POLR1B: variants seen among roughly 807,000 people sequenced by gnomAD.
POLR1B encodes the protein DNA-directed RNA polymerase I subunit RPA2.
Under a neutral mutation model 105.8 loss-of-function variants are expected in POLR1B, and 30 were observed. The observed-to-expected ratio is 0.28, with a 90% confidence interval of 0.21 to 0.38. The LOEUF is 0.38. Ranked by LOEUF, POLR1B falls within the 10% of genes least tolerant of loss-of-function variation. POLR1B has a pLI of 1.00. For synonymous variants in POLR1B, 485 were observed against 505.1 expected (o/e 0.96, Z 0.53); for missense variants, 976 against 1,435.8 (o/e 0.68, Z 5.17).
chr2:112,556,940 C>T (rs1390432321), intron 7 of POLR1B, among the ~76,000 whole-genome samples: 1 of 152,118 alleles, frequency 6.6e-6, no homozygotes, highest in African/African-American at 2.4e-5. Flanking sequence ...AAACATGTAT[C>T]ATTTTTTTGT....
Position 112,564,376 on chromosome 2 carries a change from C to A in POLR1B, c.1623C>A (p.Pro541=). The A allele has an allele frequency of 6.2e-7, 1 of 1,614,076 alleles. No individual in the cohort carries two copies. Among genetic ancestry groups the A allele is most frequent in the Non-Finnish European group, 8.5e-7 (1 of 1,179,940 alleles). Residue 541 remains proline, a synonymous_variant, in exon 10 of 15, where the codon CCC becomes CCA. Coordinates refer to ENST00000263331, the MANE Select transcript of POLR1B (RefSeq NM_019014.6). ...TGTTTCCTTTACCAGGGGTCACTCC[C>A]ATTGATGGAGCTCCCCACCGATCAT... is the stretch of plus-strand genomic sequence containing the variant. ...PALLCNLGVT[P]IDGAPHRSYS...
chr2:112,556,730 C>A (rs72946378), intron 7 of POLR1B, among the ~76,000 whole-genome samples: 7,510 of 152,246 alleles, frequency 0.049, 601 homozygotes, highest in African/African-American at 0.17. Context: ...AGGAGAGAAC[C>A]TATCTCAAAC....
At chr2:112,571,754 G>C (rs1684605603) in intron 12 of POLR1B, among the ~76,000 whole-genome samples, 1 of 152,120 alleles carries the variant, frequency 6.6e-6, no homozygotes, top group African/African-American at 2.4e-5. Context: ...TAAGATTGTG[G>C]GTTTCTATCT....
chr2:112,574,064 C>T (rs1465921536), intron 14 of POLR1B, among the ~76,000 whole-genome samples: 9 of 152,032 alleles, frequency 5.9e-5, no homozygotes, highest in African/African-American at 1.7e-4. Context: ...AGGTAGGTCT[C>T]GAACTCCTGG....
At chr2:112,547,304 A>T in intron 2 of POLR1B, 117 bp from the exon 3 acceptor site, 1 of 1,483,698 alleles carries the variant, frequency 6.7e-7, no homozygotes, top group Non-Finnish European at 9.2e-7. Flanking sequence ...CCCACCTTCT[A>T]AATCTAAGGC....
Position 112,573,810 on chromosome 2 carries a change from C to T in POLR1B, c.2520C>T (p.Tyr840=), listed in dbSNP as rs537691332. The T allele has an allele frequency of 6.2e-7, 1 of 1,610,702 alleles. No homozygotes were observed. The highest frequency in any genetic ancestry group is 1.3e-5 in the African/African-American group (1 of 74,932). The part of the protein sequence containing the change: ...NLNTGESFVM[Y]YKSKENCVVD... ...ACACCGGGGAAAGTTTTGTGATGTACTATAAGTAAGTTTGGGTATCCAAGC... is the reference window on the plus strand; with the variant it reads ...ACACCGGGGAAAGTTTTGTGATGTATTATAAGTAAGTTTGGGTATCCAAGC... The change falls in exon 14 of 15, where the codon TAC becomes TAT. Residue 840 remains tyrosine, a synonymous_variant. Transcript: ENST00000263331.
At chr2:112,543,143 G>A (rs1366608576) in intron 1 of POLR1B, among the ~76,000 whole-genome samples, 2 of 152,184 alleles carry the variant, frequency 1.3e-5, no homozygotes, top group African/African-American at 2.4e-5. Flanking sequence ...AGCAGGTGCC[G>A]AGGAAGGTAT....
rs1377966603 is a variant in POLR1B at position 112,579,051 on chromosome 2, T to TA, written c.*3323dup. Among the ~76,000 whole-genome samples the TA allele has an allele frequency of 6.6e-6, 1 of 151,288 alleles. No individual in the cohort carries two copies. Among genetic ancestry groups the TA allele is most frequent in the African/African-American group, 2.4e-5 (1 of 41,144 alleles). On this transcript the variant is annotated 3_prime_UTR_variant, in exon 15 of 15. Coordinates refer to ENST00000263331, the MANE Select transcript of POLR1B (RefSeq NM_019014.6). ...GGGGAAACCCCGTCTCTATTAAAAATACAAAAATTAGCTGGGTGTGATGGC... is the reference window on the plus strand; with the variant it reads ...GGGGAAACCCCGTCTCTATTAAAAATAACAAAAATTAGCTGGGTGTGATGGC...
In POLR1B at chr2:112,563,988, A is replaced by G. The variant is rs547929823; in HGVS notation, c.1613-378A>G. Reference sequence around the variant, plus strand: ...ATTATGGGATTGCAGCAATTCACTCATAGCTTCAGGCTCTACTTCTAATTC... The same window carrying G: ...ATTATGGGATTGCAGCAATTCACTCGTAGCTTCAGGCTCTACTTCTAATTC... On this transcript the variant is annotated intron_variant, in intron 9 of 14. Coordinates refer to ENST00000263331, the MANE Select transcript of POLR1B (RefSeq NM_019014.6). Among the ~76,000 whole-genome samples, 4 of 152,328 alleles carry G rather than the reference A, an allele frequency of 2.6e-5. No individual in the cohort carries two copies. The South Asian group carries it at 8.3e-4, about 32-fold the overall frequency.
At chr2:112,561,232 G>A (rs1038961153) in intron 9 of POLR1B, among the ~76,000 whole-genome samples, 1 of 152,174 alleles carries the variant, frequency 6.6e-6, no homozygotes, top group African/African-American at 2.4e-5. Flanking sequence ...CCAGGAGAGG[G>A]TAGAAAGGAG....
Position 112,542,683 on chromosome 2 carries a change from G to T in POLR1B, c.177+12G>T. 1 of 1,610,268 alleles carries T rather than the reference G, an allele frequency of 6.2e-7. No individual in the cohort carries two copies. The highest frequency in any genetic ancestry group is 8.5e-7 in the Non-Finnish European group (1 of 1,178,176). ...GCCTCGCGGTGCAGGTGAGCGCGGCGTCCGCCGGCGCCCTTGCCGCGGCGA... is the reference window on the plus strand; with the variant it reads ...GCCTCGCGGTGCAGGTGAGCGCGGCTTCCGCCGGCGCCCTTGCCGCGGCGA... On this transcript the variant is annotated intron_variant, in intron 1 of 14. Coordinates refer to ENST00000263331, the MANE Select transcript of POLR1B (RefSeq NM_019014.6).
chr2:112,565,431 G>A (rs959864530), intron 10 of POLR1B, among the ~76,000 whole-genome samples: 1 of 152,084 alleles, frequency 6.6e-6, no homozygotes, highest in African/African-American at 2.4e-5. Flanking sequence ...CTTTTTCTAA[G>A]AACAAGGACT....
chr2:112,543,570 G>A (rs1682876617), intron 1 of POLR1B, among the ~76,000 whole-genome samples: 2 of 152,140 alleles, frequency 1.3e-5, no homozygotes, highest in Non-Finnish European at 1.5e-5. Flanking sequence ...CATGCTTCGG[G>A]GACCCTACCT....
intron 11 of POLR1B, among the ~76,000 whole-genome samples, chr2:112,568,462 A>C (rs770693828): frequency 6.6e-6 from 1 of 152,214 alleles, no homozygotes; most frequent in Admixed American, 6.5e-5. Context: ...GTCTTTGCCT[A>C]CATATTTACA....
chr2:112,559,237 C>G, intron 8 of POLR1B, 56 bp from the exon 9 acceptor site: 2 of 1,592,390 alleles, frequency 1.3e-6, no homozygotes, highest in Non-Finnish European at 1.7e-6. Context: ...AAAGCCTCAA[C>G]AATTTCCATT....
chr2:112,571,613 C>T (rs545654294), intron 12 of POLR1B, among the ~76,000 whole-genome samples: 1 of 152,208 alleles, frequency 6.6e-6, no homozygotes, highest in South Asian at 2.1e-4. Flanking sequence ...TTCAGGAGTC[C>T]ACCAAAGATT....
At chr2:112,544,543 T>C (rs1265102508) in intron 1 of POLR1B, among the ~76,000 whole-genome samples, 2 of 152,250 alleles carry the variant, frequency 1.3e-5, no homozygotes, top group African/African-American at 4.8e-5. Flanking sequence ...ATCTTTTTAA[T>C]GTCTGGCTTA....
intron 7 of POLR1B, among the ~76,000 whole-genome samples, chr2:112,556,482 G>A (rs1683668536): frequency 1.3e-5 from 2 of 152,196 alleles, no homozygotes; most frequent in South Asian, 2.1e-4. Flanking sequence ...CTGCACCACA[G>A]TGATATTAAA....
At chr2:112,574,030 A>G (rs1684735948) in intron 14 of POLR1B, among the ~76,000 whole-genome samples, 1 of 152,004 alleles carries the variant, frequency 6.6e-6, no homozygotes, top group Admixed American at 6.6e-5. Context: ...TATTTTTAGT[A>G]TAGACGGTTT....
Sources: gnomAD v4.1 joint callset for allele counts (sites outside exome capture counted in the v4.1 genomes callset) on GRCh38, gnomAD v4.1.1 for gene constraint, MANE v1.5 for transcripts, NCBI Gene and HGNC (gene_info 2026-07-23, HGNC 2026-07-21) for gene names.